The following TIAM1 variants were observed in gnomAD, a reference collection of about 807,000 sequenced individuals.
TIAM1 encodes the protein rho guanine nucleotide exchange factor TIAM1.
In TIAM1, 65 loss-of-function variants were observed where a neutral mutation model predicts 163.5. That is an observed-to-expected ratio of 0.40 (90% confidence interval 0.33 to 0.49). TIAM1 has a LOEUF of 0.49. TIAM1 is among the 20% of genes least tolerant of loss of function. The pLI is 0.77. For synonymous variants in TIAM1, 833 were observed against 810.1 expected, an observed-to-expected ratio of 1.03 and a Z score of -0.48; for missense variants, 1,789 against 2,044.7, an observed-to-expected ratio of 0.87 and a Z score of 2.41.
chr21:31,395,174 G>A lies in TIAM1; in HGVS notation c.-368-55752C>T, dbSNP rs1251728532. On this transcript the variant is annotated intron_variant, in intron 2 of 28. Transcript: ENST00000286827. This position sits in a 1 kb window ranked among gnomAD's most constrained non-coding sequence, Gnocchi z 7.5. ...AATTGCTTGAGCCTGGGAGGCAGAG[G>A]TTGCAGTAAGCTGAGATCGCGCCAC... Among the ~76,000 whole-genome samples the A allele has an allele frequency of 6.6e-6, 1 of 152,018 alleles. No individual in the cohort carries two copies. Among genetic ancestry groups the A allele is most frequent in the African/African-American group, 2.4e-5 (1 of 41,374 alleles).
At chr21:31,264,160 G>A (rs543995346) in intron 4 of TIAM1, among the ~76,000 whole-genome samples, 9 of 152,164 alleles carry the variant, frequency 5.9e-5, no homozygotes, top group African/African-American at 1.4e-4. Context: ...AGGGGTACAC[G>A]TGCATGTTTG....
intron 1 of TIAM1, among the ~76,000 whole-genome samples, chr21:31,480,434 G>A (rs2046074618): frequency 6.6e-6 from 1 of 152,120 alleles, no homozygotes; most frequent in Non-Finnish European, 1.5e-5. Flanking sequence ...TGCACCCTTG[G>A]GCTCTATTGC....
chr21:31,126,630 C>T (rs1009125792), intron 26 of TIAM1, among the ~76,000 whole-genome samples: 1 of 151,554 alleles, frequency 6.6e-6, no homozygotes, highest in African/African-American at 2.4e-5. Flanking sequence ...ACATTTAAAG[C>T]CAAATATATT....
At chr21:31,532,671 CA>C (rs1352415212) in intron 1 of TIAM1, among the ~76,000 whole-genome samples, 1 of 152,218 alleles carries the variant, frequency 6.6e-6, no homozygotes. Context: ...AATCTCCCCG[CA>C]CTCTAGCTTC....
intron 6 of TIAM1, among the ~76,000 whole-genome samples, 171 bp downstream of exon 6, chr21:31,245,317 A>T (rs1456287937): frequency 8.2e-6 from 1 of 121,556 alleles, no homozygotes; most frequent in South Asian, 2.6e-4. Flanking sequence ...ATAGATGTTT[A>T]TTTTGTCATT....
chr21:31,189,544 C>T lies in TIAM1; in HGVS notation c.2576-2457G>A, dbSNP rs140408010. Among the ~76,000 whole-genome samples, 662 of 152,148 alleles carry T rather than the reference C, an allele frequency of 4.4e-3. 7 individuals are homozygous for T. Among genetic ancestry groups the T allele is most frequent in the African/African-American group, 0.015 (636 of 41,520 alleles). On this transcript the variant is annotated intron_variant, in intron 13 of 27. Transcript: ENST00000541036. The stretch of plus-strand genomic sequence containing the variant: ...ATGATAGGAAAGAGGATGGAAGAAA[C>T]GATAATGGGCATAAGTTCCTTCTTT...
At chr21:31,398,860 C>T (rs894813780) in intron 2 of TIAM1, among the ~76,000 whole-genome samples, 4 of 152,192 alleles carry the variant, frequency 2.6e-5, no homozygotes, top group Non-Finnish European at 4.4e-5. Context: ...CACCCAGGCT[C>T]TGACTCTTCT....
At chr21:31,377,902 C>T (rs1183778577) in intron 2 of TIAM1, among the ~76,000 whole-genome samples, 2 of 151,408 alleles carry the variant, frequency 1.3e-5, no homozygotes, top group Non-Finnish European at 2.9e-5. Flanking sequence ...TTTGGGAGGC[C>T]GAGGTGGGCA....
intron 2 of TIAM1, among the ~76,000 whole-genome samples, chr21:31,299,244 T>A (rs2074411779): frequency 6.6e-6 from 1 of 152,206 alleles, no homozygotes; most frequent in Non-Finnish European, 1.5e-5. Context: ...CCTTCTGGGA[T>A]TCAATTAAAA....
Position 31,245,619 on chromosome 21 carries a change from TC to T in TIAM1, c.1452del (p.Ile485Ter). 6.3e-7 allele frequency: 1 copy of T among 1,594,760 alleles called. No homozygotes were observed. Among genetic ancestry groups the T allele is most frequent in the Non-Finnish European group, 8.5e-7 (1 of 1,170,434 alleles). Reference protein sequence around the residue: ...LFFYESDGRSGIDHNSIPKHA... With the variant: ...LFFYESDGRSXIDHNSIPKHA... Reference sequence around the variant, plus strand: ...TGTTTGGGGATGCTGTTGTGGTCTATCCCAGACCTGCCGTCGCTCTCGTAGA... The same window carrying T: ...TGTTTGGGGATGCTGTTGTGGTCTATCCAGACCTGCCGTCGCTCTCGTAGA... On this transcript the variant is annotated frameshift_variant, in exon 6 of 28. Coordinates refer to ENST00000541036, the MANE Select transcript of TIAM1 (RefSeq NM_001353694.2). LOFTEE classifies it high-confidence loss of function.
intron 1 of TIAM1, among the ~76,000 whole-genome samples, chr21:31,494,077 G>A (rs1185662992): frequency 6.6e-6 from 1 of 152,134 alleles, no homozygotes; most frequent in Non-Finnish European, 1.5e-5. Context: ...ACTACGCCCA[G>A]CTAATTTTTG....
At chr21:31,503,604 G>GGGAGAGGAGTGGAAGGGAGGGGAGA (rs1426842262) in intron 1 of TIAM1, among the ~76,000 whole-genome samples, 2 of 1,430 alleles carry the variant, frequency 1.4e-3, no homozygotes, top group East Asian at 0.1. Context: ...GGGAGGGGAG[G>GGGAGAGGAGTGGAAGGGAGGGGAGA]GGAGGGGAGG....
chr21:31,499,275 T>C (rs1015585152), intron 1 of TIAM1, among the ~76,000 whole-genome samples: 2 of 151,958 alleles, frequency 1.3e-5, no homozygotes, highest in African/African-American at 4.8e-5. Context: ...TTAACAAAGA[T>C]ACAGCCAGGC....
At chr21:31,380,843 A>T (rs1489679623) in intron 2 of TIAM1, among the ~76,000 whole-genome samples, 2 of 152,194 alleles carry the variant, frequency 1.3e-5, no homozygotes, top group Non-Finnish European at 2.9e-5. Flanking sequence ...ATTGTACCGG[A>T]TCGGTTAGGG....
intron 2 of TIAM1, among the ~76,000 whole-genome samples, chr21:31,284,922 A>T (rs760891728): frequency 6.6e-5 from 10 of 151,774 alleles, no homozygotes; most frequent in Non-Finnish European, 1.2e-4. Context: ...ACCGCAAGGG[A>T]CTCTCAGACT....
At position 31,266,857 on chromosome 21, in the gene TIAM1, G is replaced by A. The variant is rs1314531447; in HGVS notation, c.116C>T (p.Thr39Ile). ...SLRLSHKTRR[T>I]RHASSGKVIH... ...CACCTTCCCCGAGGAAGCGTGCCTG[G>A]TCCTCCGCGTCTTGTGCGAGAGGCG... Residue 39 changes from threonine (T) to isoleucine (I), a missense_variant, in exon 4 of 28, where the codon ACC becomes ATC. Coordinates refer to ENST00000541036, the MANE Select transcript of TIAM1 (RefSeq NM_001353694.2). 3.7e-6 allele frequency: 6 copies of A among 1,613,990 alleles called. No homozygotes were observed. The African/African-American group carries it at 8.0e-5, about 22-fold the overall frequency.
chr21:31,234,013 A>G (rs2088592813), intron 6 of TIAM1, among the ~76,000 whole-genome samples: 1 of 152,180 alleles, frequency 6.6e-6, no homozygotes, highest in South Asian at 2.1e-4. Context: ...TGTCCATGCT[A>G]TGAAAGGTCC....
intron 1 of TIAM1, among the ~76,000 whole-genome samples, chr21:31,466,259 T>C (rs2045528301): frequency 6.6e-6 from 1 of 152,180 alleles, no homozygotes; most frequent in African/African-American, 2.4e-5. Context: ...GGGAGGCGTC[T>C]GTGGAGGGGA....
Position 31,223,512 on chromosome 21 carries a change from C to T in TIAM1, c.1889G>A (p.Gly630Asp). ...CCTTTTGGGGTTTGGCAGCTCCCCACCCTGAAGGCTGGCTAAATAACAGCG... is the reference window on the plus strand; with the variant it reads ...CCTTTTGGGGTTTGGCAGCTCCCCATCCTGAAGGCTGGCTAAATAACAGCG... ...RFRCYLASLQ[G>D]GELPNPKRLL... is the part of the protein sequence containing the mutation. The change falls in exon 8 of 28, where the codon GGT becomes GAT. Residue 630 changes from glycine to aspartate, a missense_variant. Gly to Asp is a moderately conservative substitution (Grantham distance 94, BLOSUM62 -1). Coordinates refer to ENST00000541036, the MANE Select transcript of TIAM1 (RefSeq NM_001353694.2). 1 of 1,613,736 alleles carries T rather than the reference C, an allele frequency of 6.2e-7. No individual in the cohort carries two copies.
Sources: allele counts gnomAD v4.1 joint callset (sites outside exome capture counted in the v4.1 genomes callset), GRCh38; gene constraint gnomAD v4.1.1; non-coding constraint Gnocchi (gnomAD v3.1); transcripts MANE v1.5; gene names NCBI Gene and HGNC (gene_info 2026-07-23, HGNC 2026-07-21).